Variants in RNF6 observed in about 807,000 individuals in gnomAD.
The protein encoded by RNF6 is E3 ubiquitin-protein ligase RNF6.
Under a neutral mutation model 50.1 loss-of-function variants are expected in RNF6, and 21 were observed. The ratio of observed to expected loss-of-function variants is 0.42; its 90% confidence interval spans 0.30 to 0.60. The LOEUF (loss-of-function observed/expected upper bound fraction) is 0.60, where lower values mean the gene tolerates loss of function less well. RNF6 is among the 20% of genes least tolerant of loss of function. The pLI is 0.20. For synonymous variants in RNF6, 255 were observed against 291.8 expected (o/e 0.87, Z 1.29); for missense variants, 698 against 838.2 (o/e 0.83, Z 2.07).
At chr13:26,221,977 G>C (rs570432063) in intron 1 of RNF6, 26 bp downstream of exon 1, 2 of 152,460 alleles carry the variant, frequency 1.3e-5, no homozygotes, top group South Asian at 2.1e-4. Flanking sequence ...GTAGTGGTGG[G>C]ACCCAGATCT....
chr13:26,134,965 C>CA (rs1337134342), intron 5 of RNF6, among the ~76,000 whole-genome samples: 2 of 151,722 alleles, frequency 1.3e-5, no homozygotes, highest in Admixed American at 6.6e-5. Flanking sequence ...TTAAAGTTAA[C>CA]AAAAAAAGAT....
chr13:26,137,655 A>T (rs1340634920), intron 5 of RNF6, among the ~76,000 whole-genome samples: 5 of 8,416 alleles, frequency 5.9e-4, no homozygotes, highest in Admixed American at 3.9e-3. Flanking sequence ...AGAAATTATA[A>T]AAAAAAAAAA....
intron 5 of RNF6, among the ~76,000 whole-genome samples, chr13:26,204,511 A>AAAAG (rs1555319594): frequency 7.3e-5 from 11 of 151,270 alleles, no homozygotes; most frequent in African/African-American, 2.7e-4. Flanking sequence ...AAAAAAAAAA[A>AAAAG]AAAAGAAAGA....
chr13:26,194,520 A>G (rs1347310951), intron 5 of RNF6, among the ~76,000 whole-genome samples: 1 of 152,178 alleles, frequency 6.6e-6, no homozygotes, highest in Non-Finnish European at 1.5e-5. Flanking sequence ...TGTTTACTGC[A>G]GTTCCTTTTT....
chr13:26,196,024 G>A (rs995433389), intron 5 of RNF6, among the ~76,000 whole-genome samples: 1 of 152,134 alleles, frequency 6.6e-6, no homozygotes, highest in Non-Finnish European at 1.5e-5. Context: ...AGACTGAGGT[G>A]TAAAAAACAC....
At chr13:26,204,429 G>GGAGATTGCAGTGAGCC (rs1869017525) in intron 5 of RNF6, among the ~76,000 whole-genome samples, 1 of 148,966 alleles carries the variant, frequency 6.7e-6, no homozygotes, top group African/African-American at 2.5e-5. Flanking sequence ...ACTGGGAGGT[G>GGAGATTGCAGTGAGCC]GAGATTGCAG....
intron 5 of RNF6, among the ~76,000 whole-genome samples, chr13:26,175,419 A>G (rs1276443238): frequency 6.6e-6 from 1 of 152,120 alleles, no homozygotes; most frequent in Non-Finnish European, 1.5e-5. Flanking sequence ...GCGAAGAGTA[A>G]GAAACTTTCC....
chr13:26,137,381 G>A (rs780695059), intron 5 of RNF6, among the ~76,000 whole-genome samples: 1 of 151,842 alleles, frequency 6.6e-6, no homozygotes, highest in African/African-American at 2.4e-5. Flanking sequence ...TTACAGAATT[G>A]CCCATTATAT....
chr13:26,143,460 G>A (rs959190669), intron 5 of RNF6, among the ~76,000 whole-genome samples: 29 of 152,104 alleles, frequency 1.9e-4, no homozygotes, highest in African/African-American at 6.3e-4. Context: ...TTATGCCTCC[G>A]GATGGAAGCA....
chr13:26,214,964 A>G lies in RNF6; in HGVS notation c.918T>C (p.Thr306=), dbSNP rs1322970316. ...QRLEPIRLRS[T]SNSRSRSPIQ... ...TTGGTGAACGGCTTCGACTATTGGA[A>G]GTAGATCGTAATCTTATTGGCTCTA... The change falls in exon 5 of 5, where the codon ACT becomes ACC. Residue 306 remains threonine, a synonymous_variant. Transcript: ENST00000381588. 1 of 1,614,206 alleles carries G rather than the reference A, an allele frequency of 6.2e-7. No homozygotes were observed. The highest frequency in any genetic ancestry group is 1.1e-5 in the South Asian group (1 of 91,080).
chr13:26,211,153 A>T (rs189851756), downstream of RNF6, among the ~76,000 whole-genome samples: 5 of 152,340 alleles, frequency 3.3e-5, no homozygotes, highest in African/African-American at 1.2e-4. Flanking sequence ...TTGGGAAATG[A>T]ATGAAAATAT....
At chr13:26,181,982 C>A (rs1468287037) in intron 5 of RNF6, among the ~76,000 whole-genome samples, 3 of 152,154 alleles carry the variant, frequency 2.0e-5, no homozygotes, top group South Asian at 2.1e-4. Context: ...AAACAGCTAG[C>A]CTTCTTTAAT....
chr13:26,222,855 A>C (rs1870649533), upstream of RNF6, among the ~76,000 whole-genome samples: 1 of 152,092 alleles, frequency 6.6e-6, no homozygotes, highest in South Asian at 2.1e-4. Context: ...ACTCGGCCTC[A>C]AGCAATCCTC....
intron 5 of RNF6, among the ~76,000 whole-genome samples, chr13:26,207,119 A>G (rs1328071578): frequency 6.6e-6 from 1 of 152,042 alleles, no homozygotes; most frequent in Non-Finnish European, 1.5e-5. Context: ...GGAGGAGGGC[A>G]AGATGAGGAC....
intron 5 of RNF6, among the ~76,000 whole-genome samples, chr13:26,165,235 G>A (rs1418389548): frequency 2.0e-5 from 3 of 152,238 alleles, no homozygotes; most frequent in Non-Finnish European, 4.4e-5. Flanking sequence ...TCCACATGGT[G>A]TTGAGCCTGC....
intron 5 of RNF6, among the ~76,000 whole-genome samples, chr13:26,187,943 G>C (rs1476798710): frequency 6.6e-6 from 1 of 152,208 alleles, no homozygotes; most frequent in Non-Finnish European, 1.5e-5. Context: ...CTGGACACTA[G>C]GTGTCAAAAA....
intron 5 of RNF6, among the ~76,000 whole-genome samples, chr13:26,171,698 A>G (rs1872703872): frequency 6.6e-6 from 1 of 152,212 alleles, no homozygotes; most frequent in African/African-American, 2.4e-5. Context: ...ATACAATGAG[A>G]TATGATTCAG....
intron 5 of RNF6, among the ~76,000 whole-genome samples, chr13:26,196,317 C>T (rs1166868845): frequency 6.6e-6 from 1 of 152,046 alleles, no homozygotes; most frequent in African/African-American, 2.4e-5. Context: ...AATGCTATAT[C>T]CAACAACAAC....
chr13:26,220,557 A>C (rs1870369856), intron 2 of RNF6, among the ~76,000 whole-genome samples: 1 of 152,242 alleles, frequency 6.6e-6, no homozygotes, highest in Admixed American at 6.5e-5. Flanking sequence ...GTCACACTAA[A>C]GCAATGGTTC....
Sources: allele counts gnomAD v4.1 joint callset (sites outside exome capture counted in the v4.1 genomes callset), GRCh38; gene constraint gnomAD v4.1.1; transcripts MANE v1.5; gene names NCBI Gene and HGNC (gene_info 2026-07-23, HGNC 2026-07-21).